MRTO4: variants seen among roughly 807,000 people sequenced by gnomAD.
MRTO4 encodes mRNA turnover protein 4 homolog.
A neutral mutation model predicts 28.6 loss-of-function variants in MRTO4; 7 were observed. That is an observed-to-expected ratio of 0.24 (90% CI 0.14 to 0.46). MRTO4 has a LOEUF of 0.46. Ranked by LOEUF, MRTO4 falls within the 20% of genes least tolerant of loss-of-function variation. The pLI is 0.99. For synonymous variants in MRTO4, 113 were observed against 108.2 expected (o/e 1.04, Z -0.27); for missense variants, 302 against 298.3 (o/e 1.01, Z -0.09).
chr1:19,258,596 G>A, intron 7 of MRTO4, 43 bp downstream of exon 7: 1 of 1,614,014 alleles, frequency 6.2e-7, no homozygotes. Context: ...GGGGTTGCTG[G>A]CTTTCCTCTG....
chr1:19,258,204 T>TAA (rs557311316), intron 6 of MRTO4, among the ~76,000 whole-genome samples: 4,282 of 145,708 alleles, frequency 0.029, 71 homozygotes, highest in South Asian at 0.053. Flanking sequence ...TGCGCTTGTT[T>TAA]AAAAAAAAAA....
At position 19,258,908 on chromosome 1, in the gene MRTO4, G is replaced by T; in HGVS notation, c.*78G>T. ...TCAGGACTGCTGCCGCCCCTCTGGA[G>T]AGAGCAGCTTTTTATTTGTCTGTAG... On this transcript the variant is annotated 3_prime_UTR_variant, in exon 8 of 8. Coordinates refer to ENST00000330263, the MANE Select transcript of MRTO4 (RefSeq NM_016183.4). 6.8e-7 allele frequency: 1 copy of T among 1,477,526 alleles called. No homozygotes were observed. The highest frequency in any genetic ancestry group is 9.1e-7 in the Non-Finnish European group (1 of 1,103,094). 91.5% of individuals were successfully genotyped at this position (1,477,526 alleles called of 1,614,324 possible). A position where few individuals can be genotyped will look rare whatever the true frequency, so the allele number is the denominator to read the frequency against.
intron 3 of MRTO4, among the ~76,000 whole-genome samples, 200 bp from the exon 4 acceptor site, chr1:19,256,864 A>G (rs1220937438): frequency 1.3e-5 from 2 of 152,158 alleles, no homozygotes; most frequent in African/African-American, 4.8e-5. Context: ...AAATGTTGCC[A>G]TGTCAGGAGT....
intron 1 of MRTO4, among the ~76,000 whole-genome samples, chr1:19,252,679 C>A (rs551990888): frequency 6.6e-6 from 1 of 152,126 alleles, no homozygotes. Flanking sequence ...AGCCTGGGCA[C>A]GACAGAGCGA....
intron 6 of MRTO4, 139 bp from the exon 7 acceptor site, chr1:19,258,338 G>A: frequency 6.7e-6 from 7 of 1,050,360 alleles, no homozygotes; most frequent in Non-Finnish European, 1.0e-5. Flanking sequence ...GGGACCTCAG[G>A]GAGACAGCCA....
intron 2 of MRTO4, 56 bp from the exon 3 acceptor site, chr1:19,255,892 G>A (rs2093670690): frequency 1.4e-6 from 2 of 1,432,716 alleles, no homozygotes; most frequent in Non-Finnish European, 2.0e-6. Flanking sequence ...TGAGGCCAGA[G>A]TAGTGCCCGT....
intron 1 of MRTO4, 110 bp downstream of exon 1, chr1:19,251,973 C>T (rs993726627): frequency 1.9e-5 from 27 of 1,430,274 alleles, no homozygotes; most frequent in Non-Finnish European, 2.4e-5. Flanking sequence ...CCAGGACATC[C>T]TCGAGGTGTT....
rs2151972621 is a variant in MRTO4, at chr1:19,254,851, G to C, written c.87+11G>C. On this transcript the variant is annotated intron_variant, in intron 2 of 7. Coordinates refer to ENST00000330263, the MANE Select transcript of MRTO4 (RefSeq NM_016183.4). ...AACCTGATAGAAGAGGTAAGAGGTT[G>C]TTCTTTTCTAGAGCTTGCAATTGTT... The C allele has an allele frequency of 6.2e-7, 1 of 1,602,332 alleles. No individual in the cohort carries two copies. The highest frequency in any genetic ancestry group is 8.5e-7 in the Non-Finnish European group (1 of 1,175,280).
intron 4 of MRTO4, 28 bp downstream of exon 4, chr1:19,257,173 G>C (rs1031254851): frequency 6.2e-7 from 1 of 1,609,332 alleles, no homozygotes; most frequent in Non-Finnish European, 8.5e-7. Flanking sequence ...ACGGGGTGGA[G>C]CTAAGGCAAA....
intron 2 of MRTO4, among the ~76,000 whole-genome samples, chr1:19,255,601 C>T (rs2093670352): frequency 6.6e-6 from 1 of 152,192 alleles, no homozygotes. Context: ...CGATCAGCTG[C>T]CTCCCCTTAT....
At chr1:19,255,866 C>T in intron 2 of MRTO4, 82 bp from the exon 3 acceptor site, 1 of 1,167,610 alleles carries the variant, frequency 8.6e-7, no homozygotes, top group African/African-American at 1.5e-5. Flanking sequence ...GGGCCCAGAG[C>T]AGATTCATTC....
At chr1:19,258,585 C>T (rs759576674) in intron 7 of MRTO4, 32 bp downstream of exon 7, 2 of 1,613,848 alleles carry the variant, frequency 1.2e-6, no homozygotes, top group Non-Finnish European at 1.7e-6. Context: ...CTGTTGCGGG[C>T]GGGGTTGCTG....
rs770953246 is a variant in MRTO4 at position 19,255,983 on chromosome 1, C to T, written c.123C>T (p.Phe41=). Residue 41 remains phenylalanine, a synonymous_variant, in exon 3 of 8, where the codon TTC becomes TTT. Transcript: ENST00000330263. ...GTGTGGACACCTACAAGTACCTTTT[C>T]ATCTTCTCTGTGGCCAACATGAGGA... ...RKCVDTYKYL[F]IFSVANMRNS... The T allele has an allele frequency of 2.5e-6, 4 of 1,613,990 alleles. No homozygotes were observed. The African/African-American group carries it at 4.0e-5, about 16-fold the overall frequency.
rs1016344467 is a variant in MRTO4, at chr1:19,257,255, G to A, written c.273+110G>A. ...TTGGCAGGCCGGAGGCTCAGGGAGA[G>A]CAGGGCCTGGCTTAAAGCTCTGGGT... On this transcript the variant is annotated intron_variant, in intron 4 of 7. Coordinates refer to ENST00000330263, the MANE Select transcript of MRTO4 (RefSeq NM_016183.4). The A allele has an allele frequency of 5.0e-5, 64 of 1,281,388 alleles. No homozygotes were observed. In the African/African-American group the frequency reaches 8.5e-4, roughly 17 times the overall value. 79.4% of individuals were successfully genotyped at this position (1,281,388 alleles called of 1,614,324 possible).
Position 19,251,865 on chromosome 1 carries a change from T to C in MRTO4, c.28+2T>C. On this transcript the variant is annotated splice_donor_variant, in intron 1 of 7. Coordinates refer to ENST00000330263, the MANE Select transcript of MRTO4 (RefSeq NM_016183.4). LOFTEE classifies it high-confidence loss of function. ...CCAAATCCAAGCGCGACAAGAAAGG[T>C]GGGCGAAGGGGGAGTCGGGACCCTG... 6.3e-7 allele frequency: 1 copy of C among 1,591,186 alleles called. No individual in the cohort carries two copies. Among genetic ancestry groups the C allele is most frequent in the Non-Finnish European group, 8.5e-7 (1 of 1,169,616 alleles).
chr1:19,258,827 C>T lies in MRTO4; in HGVS notation c.717C>T (p.Asp239=), dbSNP rs1209760573. ...AAGAGTCAGACTCAGAAGATGATGACTGAAAGGGACTCGGGACTGAAGGTC... is the reference window on the plus strand; with the variant it reads ...AAGAGTCAGACTCAGAAGATGATGATTGAAAGGGACTCGGGACTGAAGGTC... The part of the protein sequence containing the change: ...STEESDSEDD[D] Residue 239 remains aspartate, a synonymous_variant, in exon 8 of 8, where the codon GAC becomes GAT. Transcript: ENST00000330263. 5 of 1,613,878 alleles carry T rather than the reference C, an allele frequency of 3.1e-6. No individual in the cohort carries two copies. The highest frequency in any genetic ancestry group is 2.2e-5 in the South Asian group (2 of 91,050).
intron 1 of MRTO4, among the ~76,000 whole-genome samples, chr1:19,252,731 GCCTTGA>G (rs1360459979): frequency 2.0e-5 from 3 of 152,194 alleles, no homozygotes; most frequent in Non-Finnish European, 4.4e-5. Context: ...AGTCACTGCA[GCCTTGA>G]CCTCCTTGGC....
Position 19,259,022 on chromosome 1 carries a change from G to A in MRTO4, c.*192G>A, listed in dbSNP as rs1409311149. The A allele has an allele frequency of 7.8e-6, 5 of 640,958 alleles. No individual in the cohort carries two copies. Among genetic ancestry groups the A allele is most frequent in the East Asian group, 2.9e-5 (1 of 34,498 alleles). 39.7% of individuals were successfully genotyped at this position (640,958 alleles called of 1,614,324 possible). ...TCACGCCTGGAATCCCAGCACTTTG[G>A]GAAGCCGAGGTGGGCAGATCATAAG... On this transcript the variant is annotated 3_prime_UTR_variant, in exon 8 of 8. Transcript: ENST00000330263.
At position 19,257,439 on chromosome 1, in the gene MRTO4, A is replaced by T; in HGVS notation, c.274-15A>T. On this transcript the variant is annotated splice_polypyrimidine_tract_variant and intron_variant, in intron 4 of 7. Transcript: ENST00000330263. ...GCTCTAATGTGACCAAGCTGTCCTC[A>T]CTCCTGATTTGTAGGTCAGCAAAAG... 1 of 1,613,922 alleles carries T rather than the reference A, an allele frequency of 6.2e-7. No homozygotes were observed. Among genetic ancestry groups the T allele is most frequent in the Non-Finnish European group, 8.5e-7 (1 of 1,179,924 alleles).
Sources: gnomAD v4.1 joint callset for allele counts (sites outside exome capture counted in the v4.1 genomes callset) on GRCh38, gnomAD v4.1.1 for gene constraint, MANE v1.5 for transcripts, NCBI Gene and HGNC (gene_info 2026-07-23, HGNC 2026-07-21) for gene names.